GALM: variants seen among roughly 807,000 people sequenced by gnomAD.
GALM encodes the protein aldose 1-epimerase.
Under a neutral mutation model 37.4 loss-of-function variants are expected in GALM, and 43 were observed. That is an observed-to-expected ratio of 1.15 (90% CI 0.90 to 1.48). GALM has a LOEUF of 1.48. Among genes scored for constraint, GALM ranks in the 40% most tolerant of loss-of-function variants. The pLI, the probability that GALM is intolerant of heterozygous loss-of-function variation, is 0.00. For missense variants in GALM, 456 were observed against 419.1 expected (o/e 1.09, Z -0.77); for synonymous variants, 199 against 170.6 (o/e 1.17, Z -1.30).
chr2:38,725,663 G>T (rs1353858685), intron 4 of GALM, among the ~76,000 whole-genome samples: 1 of 152,074 alleles, frequency 6.6e-6, no homozygotes, highest in African/African-American at 2.4e-5. Flanking sequence ...CTTTAAAAAA[G>T]AAAAAGAAGA....
rs935405973 is a variant in GALM at position 38,673,227 on chromosome 2, G to A, written c.191-2685G>A. Among the ~76,000 whole-genome samples the A allele has an allele frequency of 2.0e-5, 3 of 152,188 alleles. No individual in the cohort carries two copies. In the East Asian group the frequency reaches 5.8e-4, roughly 29 times the overall value. On this transcript the variant is annotated intron_variant, in intron 1 of 6. Transcript: ENST00000272252. The stretch of plus-strand genomic sequence containing the variant: ...TATCCTGAGAGCCTCTCCATCCCTT[G>A]AAAAAATAGTTCATATGCTTGAATT...
At chr2:38,716,702 G>T (rs1666275597) in intron 4 of GALM, among the ~76,000 whole-genome samples, 1 of 152,184 alleles carries the variant, frequency 6.6e-6, no homozygotes, top group Non-Finnish European at 1.5e-5. Flanking sequence ...GAATAAGCCA[G>T]GCACAGTGGT....
chr2:38,686,220 ATTTCTTTCTTTCTTTCTTTCTTTC>A (rs200050911), intron 3 of GALM, among the ~76,000 whole-genome samples: 10,667 of 93,588 alleles, frequency 0.11, 761 homozygotes, highest in East Asian at 0.31. Flanking sequence ...GAAAGTGGAA[ATTTCTTTCTTTCTTTCTTTCTTTC>A]TTTCTTTCTT....
At chr2:38,730,563 T>C (rs765807565) in intron 5 of GALM, among the ~76,000 whole-genome samples, 1 of 151,916 alleles carries the variant, frequency 6.6e-6, no homozygotes, top group Non-Finnish European at 1.5e-5. Context: ...CTGCACCCGG[T>C]CAACAGTTTT....
chr2:38,711,806 C>CTAT, intron 4 of GALM, among the ~76,000 whole-genome samples: 1 of 86,576 alleles, frequency 1.2e-5, no homozygotes, highest in African/African-American at 3.2e-5. Flanking sequence ...ATCACCATCA[C>CTAT]CATCATCATC....
chr2:38,719,707 G>C (rs1666338027), intron 4 of GALM, among the ~76,000 whole-genome samples: 1 of 150,904 alleles, frequency 6.6e-6, no homozygotes, highest in Non-Finnish European at 1.5e-5. Context: ...CCCGAAGGTG[G>C]AGGTTGCCGT....
chr2:38,702,124 A>G lies in GALM; in HGVS notation c.634+12230A>G, dbSNP rs184763187. Among the ~76,000 whole-genome samples the G allele has an allele frequency of 1.3e-3, 199 of 152,192 alleles. 1 individual carries two copies. The highest frequency in any genetic ancestry group is 4.7e-3 in the African/African-American group (197 of 41,526). On this transcript the variant is annotated intron_variant, in intron 4 of 6. Coordinates refer to ENST00000272252, the MANE Select transcript of GALM (RefSeq NM_138801.3). ...GTGCCTGGCTTATATTATGGGCTTC[A>G]TAAAGTGGGATCAATGAATGAATGA...
chr2:38,710,335 T>G (rs1316213875), intron 4 of GALM, among the ~76,000 whole-genome samples: 1 of 152,236 alleles, frequency 6.6e-6, no homozygotes, highest in East Asian at 1.9e-4. Context: ...CCCAGACTTC[T>G]GCATTCTGCC....
intron 4 of GALM, among the ~76,000 whole-genome samples, chr2:38,719,816 G>T (rs1280986632): frequency 6.7e-6 from 1 of 149,896 alleles, no homozygotes. Context: ...ACACCTCAGA[G>T]AACCTTTAGT....
chr2:38,722,867 G>T (rs1456560776), intron 4 of GALM, among the ~76,000 whole-genome samples: 1 of 152,218 alleles, frequency 6.6e-6, no homozygotes, highest in Admixed American at 6.5e-5. Flanking sequence ...GAAAGTGCCT[G>T]AGTGGAGATT....
chr2:38,679,436 A>G (rs1434005055), intron 2 of GALM, among the ~76,000 whole-genome samples: 1 of 152,164 alleles, frequency 6.6e-6, no homozygotes, highest in Non-Finnish European at 1.5e-5. Flanking sequence ...CTCATCTGTA[A>G]AATGGAGGTA....
At chr2:38,668,900 C>A (rs897094186) in intron 1 of GALM, 1 of 152,064 alleles carries the variant, frequency 6.6e-6, no homozygotes, top group African/African-American at 2.4e-5. Flanking sequence ...AAGATCTGAG[C>A]GTGGATAATT....
rs544238291 is a variant in GALM at position 38,729,548 on chromosome 2, C to T, written c.635-8C>T. On this transcript the variant is annotated splice_region_variant and splice_polypyrimidine_tract_variant and intron_variant, in intron 4 of 6. Transcript: ENST00000272252. The stretch of plus-strand genomic sequence containing the variant: ...TTATCACCTTTGTTTTCTGTCTCTT[C>T]CCATCAGGAGAAGTTGCCCCAGTGC... The T allele has an allele frequency of 9.3e-5, 150 of 1,612,026 alleles. 2 individuals are homozygous for T. In the South Asian group the frequency reaches 1.5e-3, roughly 16 times the overall value.
chr2:38,704,895 G>A (rs1219792612), intron 4 of GALM, among the ~76,000 whole-genome samples: 1 of 152,088 alleles, frequency 6.6e-6, no homozygotes, highest in East Asian at 1.9e-4. Flanking sequence ...AATCCTTCCT[G>A]TAAAATGGTC....
chr2:38,678,077 C>A (rs537059376), intron 2 of GALM, among the ~76,000 whole-genome samples: 2 of 147,784 alleles, frequency 1.4e-5, no homozygotes, highest in Non-Finnish European at 3.0e-5. Flanking sequence ...AGTGCAATGG[C>A]GCCATCTCAG....
intron 1 of GALM, among the ~76,000 whole-genome samples, chr2:38,667,790 T>C (rs924508165): frequency 6.6e-6 from 1 of 152,016 alleles, no homozygotes; most frequent in Non-Finnish European, 1.5e-5. Context: ...TGAGCCGAGA[T>C]TGCGCCACTG....
At chr2:38,714,026 A>T (rs1234284671) in intron 4 of GALM, among the ~76,000 whole-genome samples, 1 of 152,190 alleles carries the variant, frequency 6.6e-6, no homozygotes, top group East Asian at 1.9e-4. Context: ...AATAAAAAAA[A>T]AATACATATA....
rs1665160279 is a variant in GALM, at chr2:38,673,197, G to T, written c.191-2715G>T. 2.0e-5 allele frequency among the ~76,000 whole-genome samples: 3 copies of T among 152,246 alleles called. No homozygotes were observed. The South Asian group carries it at 6.2e-4, about 32-fold the overall frequency. The stretch of plus-strand genomic sequence containing the variant: ...CTGTAACTGGCCTAATCAGCTCAGG[G>T]TCTGTATCCTGAGAGCCTCTCCATC... On this transcript the variant is annotated intron_variant, in intron 1 of 6. Coordinates refer to ENST00000272252, the MANE Select transcript of GALM (RefSeq NM_138801.3).
chr2:38,679,562 C>T lies in GALM; in HGVS notation c.346-1718C>T, dbSNP rs557756467. ...ACCTTGCAAGATGATTTATGTAAAGCACCAGGTCATTGACTATTGAGCACT... is the reference window on the plus strand; with the variant it reads ...ACCTTGCAAGATGATTTATGTAAAGTACCAGGTCATTGACTATTGAGCACT... On this transcript the variant is annotated intron_variant, in intron 2 of 6. Coordinates refer to ENST00000272252, the MANE Select transcript of GALM (RefSeq NM_138801.3). Among the ~76,000 whole-genome samples, 375 of 152,268 alleles carry T rather than the reference C, an allele frequency of 2.5e-3. 2 individuals are homozygous for T. Among genetic ancestry groups the T allele is most frequent in the Non-Finnish European group, 4.1e-3 (276 of 68,014 alleles).
Sources: allele counts gnomAD v4.1 joint callset (sites outside exome capture counted in the v4.1 genomes callset), GRCh38; gene constraint gnomAD v4.1.1; transcripts MANE v1.5; gene names NCBI Gene and HGNC (gene_info 2026-07-23, HGNC 2026-07-21).